The following CDH18 variants were observed in gnomAD, a reference collection of about 807,000 sequenced individuals.
CDH18 encodes cadherin 18.
A neutral mutation model predicts 67.9 loss-of-function variants in CDH18; 31 were observed. The ratio of observed to expected loss-of-function variants is 0.46; its 90% confidence interval spans 0.34 to 0.62. The LOEUF is 0.62. CDH18 is among the 20% of genes least tolerant of loss of function. CDH18 has a pLI of 0.01. For synonymous variants in CDH18, 362 were observed against 347.2 expected (o/e 1.04, Z -0.48); for missense variants, 890 against 975.5 (o/e 0.91, Z 1.17).
At chr5:19,878,960 GTC>G (rs1426090573) in intron 2 of CDH18, among the ~76,000 whole-genome samples, 3 of 151,880 alleles carry the variant, frequency 2.0e-5, no homozygotes, top group African/African-American at 7.2e-5. Context: ...GCTAAAAAAT[GTC>G]TCTAGCTTAT....
In CDH18 at chr5:20,410,340, T is replaced by C. The variant is rs200565710; in HGVS notation, c.-579-154835A>G. On this transcript the variant is annotated intron_variant, in intron 1 of 14. Coordinates refer to the CDH18 transcript ENST00000507958. ...TAAAGATGATTTATAAAACAAAAAT[T>C]AATTAGTCTAATAGACTACATTAAC... Among the ~76,000 whole-genome samples the C allele has an allele frequency of 3.3e-4, 50 of 151,940 alleles. 2 individuals carry two copies. In the East Asian group the frequency reaches 6.2e-3, roughly 19 times the overall value.
At chr5:20,003,660 C>A (rs796242663) in intron 2 of CDH18, among the ~76,000 whole-genome samples, 68 of 152,144 alleles carry the variant, frequency 4.5e-4, no homozygotes, top group African/African-American at 1.5e-3. Context: ...TTTGGGAGGC[C>A]GAGGTGCGGA....
At chr5:20,000,542 TGC>T (rs1270211756) in intron 2 of CDH18, among the ~76,000 whole-genome samples, 5 of 152,206 alleles carry the variant, frequency 3.3e-5, no homozygotes, top group African/African-American at 1.2e-4. Context: ...GTTTGAAATA[TGC>T]TGATGTTGAG....
At chr5:20,198,979 T>A (rs544812550) in intron 2 of CDH18, among the ~76,000 whole-genome samples, 1 of 152,334 alleles carries the variant, frequency 6.6e-6, no homozygotes, top group South Asian at 2.1e-4. Flanking sequence ...TCCACCTGGA[T>A]TTCAGAGGAT....
At chr5:20,266,714 C>T (rs951358229) in intron 1 of CDH18, among the ~76,000 whole-genome samples, 2 of 150,874 alleles carry the variant, frequency 1.3e-5, no homozygotes, top group African/African-American at 4.9e-5. Flanking sequence ...AGGCGTGAGT[C>T]ACTGTGCCCG....
chr5:20,084,193 C>T (rs1346001227), intron 2 of CDH18, among the ~76,000 whole-genome samples: 2 of 152,142 alleles, frequency 1.3e-5, no homozygotes, highest in African/African-American at 4.8e-5. Flanking sequence ...TAAATACAGC[C>T]TTTACAAGTG....
At position 19,747,219 on chromosome 5, in the gene CDH18, G is replaced by C; in HGVS notation, c.246C>G (p.Asp82Glu). 1 of 1,613,420 alleles carries C rather than the reference G, an allele frequency of 6.2e-7. No individual in the cohort carries two copies. Among genetic ancestry groups the C allele is most frequent in the Non-Finnish European group, 8.5e-7 (1 of 1,179,508 alleles). ...QYVGKLHSNS[D>E]KGDGSVKYIL... ...TGTACTTGACAGATCCATCACCTTT[G>C]TCAGAATTGGAGTGCAGCTGTGAAA... Residue 82 changes from aspartate to glutamate, a missense_variant, in exon 4 of 13, where the codon GAC becomes GAG. Asp to Glu is a conservative substitution (Grantham distance 45). This residue lies in a region of CDH18 where 234 missense variants were observed against 307.4 expected (regional missense o/e 0.76). Coordinates refer to ENST00000382275, the MANE Select transcript of CDH18 (RefSeq NM_004934.5).
At chr5:20,349,697 T>C (rs1381981970) in intron 1 of CDH18, among the ~76,000 whole-genome samples, 1 of 152,126 alleles carries the variant, frequency 6.6e-6, no homozygotes, top group Non-Finnish European at 1.5e-5. Flanking sequence ...ATGAATGTTA[T>C]TTTTCATATT....
At chr5:19,759,646 A>T (rs1772079342) in intron 3 of CDH18, among the ~76,000 whole-genome samples, 1 of 152,138 alleles carries the variant, frequency 6.6e-6, no homozygotes. Flanking sequence ...TGTCCCTTGG[A>T]ATCAACGTCA....
At chr5:20,478,765 A>G (rs1005817111) in intron 1 of CDH18, among the ~76,000 whole-genome samples, 4 of 152,188 alleles carry the variant, frequency 2.6e-5, no homozygotes, top group African/African-American at 9.6e-5. Context: ...AACATCAGCA[A>G]TAGCCAGAAA....
At chr5:20,206,594 A>G (rs1033502087) in intron 2 of CDH18, among the ~76,000 whole-genome samples, 9 of 151,976 alleles carry the variant, frequency 5.9e-5, no homozygotes, top group African/African-American at 2.2e-4. Context: ...AAAATATGAA[A>G]TAATATTTTA....
chr5:20,384,390 C>T (rs963957532), intron 1 of CDH18, among the ~76,000 whole-genome samples: 9 of 152,122 alleles, frequency 5.9e-5, no homozygotes, highest in Non-Finnish European at 1.3e-4. Context: ...TGTCAAAAGC[C>T]ACCCATGTTG....
chr5:19,919,704 T>C (rs1792221851), intron 2 of CDH18, among the ~76,000 whole-genome samples: 1 of 152,188 alleles, frequency 6.6e-6, no homozygotes, highest in African/African-American at 2.4e-5. Flanking sequence ...ACTTATTTGA[T>C]GGAAGAAATA....
Position 19,503,056 on chromosome 5 carries a change from C to T in CDH18, c.1566G>A (p.Arg522=), listed in dbSNP as rs751691015. ...TDKDDFANGP[R]FNFFLDERLP... is the part of the protein sequence containing the mutation. The stretch of plus-strand genomic sequence containing the variant: ...GGCGTTCATCAAGAAAGAAGTTAAA[C>T]CTTGGTCCATTGGCAAAATCATCTT... Residue 522 remains arginine, a synonymous_variant, in exon 11 of 13, where the codon AGG becomes AGA. Coordinates refer to ENST00000382275, the MANE Select transcript of CDH18 (RefSeq NM_004934.5). 8 of 1,612,810 alleles carry T rather than the reference C, an allele frequency of 5.0e-6. 1 individual carries two copies. In the South Asian group the frequency reaches 7.7e-5, roughly 15 times the overall value.
chr5:20,369,324 A>G (rs185912900), intron 1 of CDH18, among the ~76,000 whole-genome samples: 1 of 152,330 alleles, frequency 6.6e-6, no homozygotes, highest in African/African-American at 2.4e-5. Context: ...AAGTGTCATT[A>G]TAAATATCCT....
At chr5:20,144,223 T>C (rs1750467211) in intron 2 of CDH18, among the ~76,000 whole-genome samples, 2 of 151,220 alleles carry the variant, frequency 1.3e-5, no homozygotes, top group Non-Finnish European at 2.9e-5. Context: ...CTGGGCTACC[T>C]CTCTAGGAGG....
chr5:20,186,468 T>A (rs936490326), intron 2 of CDH18, among the ~76,000 whole-genome samples: 7 of 151,670 alleles, frequency 4.6e-5, no homozygotes, highest in Non-Finnish European at 1.0e-4. Flanking sequence ...CAACAAAAAA[T>A]GAACAATCCA....
chr5:20,371,151 A>C (rs559457978), intron 1 of CDH18, among the ~76,000 whole-genome samples: 13 of 152,088 alleles, frequency 8.5e-5, no homozygotes, highest in Non-Finnish European at 1.8e-4. Context: ...GAGGGAGGAA[A>C]ATTTTTTGAA....
chr5:19,603,137 G>A (rs939629365), intron 6 of CDH18, among the ~76,000 whole-genome samples: 1 of 152,072 alleles, frequency 6.6e-6, no homozygotes, highest in African/African-American at 2.4e-5. Context: ...CAGAGGAACT[G>A]ATAAAATGCA....
Sources: allele counts gnomAD v4.1 joint callset (sites outside exome capture counted in the v4.1 genomes callset), GRCh38; gene constraint gnomAD v4.1.1; regional missense constraint gnomAD v4.1.1; transcripts MANE v1.5; gene names NCBI Gene and HGNC (gene_info 2026-07-23, HGNC 2026-07-21).